Variants in CBFA2T3 observed in about 807,000 individuals in gnomAD.
The protein encoded by CBFA2T3 is transcriptional corepressor CBFA2T3.
CBFA2T3 carries 31 observed loss-of-function variants against 58.6 expected under a neutral mutation model. The ratio of observed to expected loss-of-function variants is 0.53; its 90% confidence interval spans 0.40 to 0.71. CBFA2T3 has a LOEUF of 0.71. Ranked by LOEUF, CBFA2T3 falls within the 30% of genes least tolerant of loss-of-function variation. CBFA2T3 has a pLI of 0.00. For synonymous variants in CBFA2T3, 531 were observed against 421.9 expected (o/e 1.26, Z -3.17); for missense variants, 1,076 against 963.1 (o/e 1.12, Z -1.55).
intron 1 of CBFA2T3, among the ~76,000 whole-genome samples, chr16:88,942,943 G>T (rs529293822): frequency 6.6e-6 from 1 of 152,222 alleles, no homozygotes; most frequent in Non-Finnish European, 1.5e-5. Flanking sequence ...TACAGTGCGA[G>T]TCCCCATGCG....
chr16:88,882,221 C>G (rs1383550822), intron 8 of CBFA2T3, among the ~76,000 whole-genome samples: 1 of 152,256 alleles, frequency 6.6e-6, no homozygotes, highest in Admixed American at 6.5e-5. Flanking sequence ...CCCACACAGC[C>G]CTGCTGTCTC....
intron 1 of CBFA2T3, among the ~76,000 whole-genome samples, chr16:88,934,197 G>A (rs1027344683): frequency 1.3e-5 from 2 of 151,484 alleles, no homozygotes; most frequent in South Asian, 2.1e-4. Context: ...CACGCCCCTC[G>A]GCACACGGAG....
chr16:88,901,503 C>A lies in CBFA2T3; in HGVS notation c.304+1G>T. 1 of 1,465,766 alleles carries A rather than the reference C, an allele frequency of 6.8e-7. No homozygotes were observed. The highest frequency in any genetic ancestry group is 9.0e-7 in the Non-Finnish European group (1 of 1,110,036). 90.8% of individuals were successfully genotyped at this position (1,465,766 alleles called of 1,614,324 possible). ...TCGGCTGCCAGGTGGGGGCTACTTACGTGTGTGTGGCGTGAAGGAGGGGGG... is the reference window on the plus strand; with the variant it reads ...TCGGCTGCCAGGTGGGGGCTACTTAAGTGTGTGTGGCGTGAAGGAGGGGGG... On this transcript the variant is annotated splice_donor_variant, in intron 2 of 11. Transcript: ENST00000268679. LOFTEE classifies it high-confidence loss of function.
chr16:88,898,655 A>C (rs919153952), intron 2 of CBFA2T3, among the ~76,000 whole-genome samples: 22 of 152,334 alleles, frequency 1.4e-4, no homozygotes, highest in African/African-American at 5.1e-4. Flanking sequence ...GTGTCCTAAA[A>C]GCGACCTGAG....
intron 1 of CBFA2T3, among the ~76,000 whole-genome samples, chr16:88,908,799 G>A (rs1446711693): frequency 2.0e-5 from 3 of 152,266 alleles, no homozygotes; most frequent in Admixed American, 2.0e-4. Context: ...GGCAGGTAAC[G>A]CAGGTGACCT....
chr16:88,967,133 T>G (rs1488915119), intron 1 of CBFA2T3, among the ~76,000 whole-genome samples: 1 of 88,096 alleles, frequency 1.1e-5, no homozygotes, highest in African/African-American at 4.0e-5. Context: ...GAGGTGCCAC[T>G]CGGCCCCGAC....
chr16:88,924,444 G>A (rs897886080), intron 1 of CBFA2T3, among the ~76,000 whole-genome samples: 6 of 152,296 alleles, frequency 3.9e-5, no homozygotes, highest in African/African-American at 7.2e-5. Flanking sequence ...CGAGGCTCTC[G>A]GGGGCGATGG....
intron 1 of CBFA2T3, among the ~76,000 whole-genome samples, chr16:88,967,190 C>G (rs559467960): frequency 2.7e-5 from 3 of 111,818 alleles, no homozygotes; most frequent in Admixed American, 2.6e-4. Context: ...TGCCACTCGG[C>G]CCCGACACGA....
chr16:88,913,133 G>C (rs920528630), intron 1 of CBFA2T3, among the ~76,000 whole-genome samples: 2 of 152,248 alleles, frequency 1.3e-5, no homozygotes, highest in Admixed American at 1.3e-4. Flanking sequence ...CTTTGGCTGG[G>C]GGCAGGATGT....
chr16:88,919,839 G>A (rs528818622), intron 1 of CBFA2T3, among the ~76,000 whole-genome samples: 142 of 152,260 alleles, frequency 9.3e-4, no homozygotes, highest in African/African-American at 3.1e-3. Context: ...ATCAGACCCC[G>A]CCCCACACTG....
At chr16:88,893,085 C>T (rs547750439) in intron 3 of CBFA2T3, among the ~76,000 whole-genome samples, 4 of 152,102 alleles carry the variant, frequency 2.6e-5, no homozygotes, top group Non-Finnish European at 5.9e-5. Flanking sequence ...AATGAGAAGT[C>T]GCTCATCCCC....
intron 1 of CBFA2T3, among the ~76,000 whole-genome samples, chr16:88,954,624 T>C (rs74405105): frequency 6.3e-3 from 75 of 11,880 alleles, no homozygotes; most frequent in South Asian, 0.013. Flanking sequence ...GGCTCCTGAC[T>C]CCACCCAAGG....
At chr16:88,909,708 C>T (rs1009330515) in intron 1 of CBFA2T3, among the ~76,000 whole-genome samples, 50 of 152,326 alleles carry the variant, frequency 3.3e-4, no homozygotes, top group Non-Finnish European at 5.9e-4. Context: ...CATCCGTCCA[C>T]GGCCGCCCTC....
rs147179125 is a variant in CBFA2T3 at position 88,885,321 on chromosome 16, G to A, written c.894-52C>T. 8,924 of 1,322,164 alleles carry A rather than the reference G, an allele frequency of 6.7e-3. 51 individuals carry two copies. The highest frequency in any genetic ancestry group is 0.012 in the Middle Eastern group (60 of 5,200). The allele number at this position is 1,322,164 out of a possible 1,614,324, so 81.9% of individuals were successfully genotyped here. On this transcript the variant is annotated intron_variant, in intron 6 of 11. Transcript: ENST00000268679. The surrounding 1 kb of genome is among the most constrained non-coding windows in gnomAD (Gnocchi z 5.3). ...GGCAGTGGACATAGGATGAACCGGG[G>A]ACAGAGGTGCAGGTGGGGTGAGAGG...
chr16:88,878,425 A>T (rs1968923255), intron 11 of CBFA2T3, among the ~76,000 whole-genome samples: 1 of 152,210 alleles, frequency 6.6e-6, no homozygotes, highest in Admixed American at 6.5e-5. Flanking sequence ...ATCTCAAGGG[A>T]CAGTCCTGGG....
Position 88,953,620 on chromosome 16 carries a change from G to A in CBFA2T3, c.151+23037C>T, listed in dbSNP as rs1482071417. Among the ~76,000 whole-genome samples, 3 of 152,200 alleles carry A rather than the reference G, an allele frequency of 2.0e-5. No homozygotes were observed. The highest frequency in any genetic ancestry group is 2.1e-4 in the South Asian group (1 of 4,830). ...GGGGACAGTGCCAGCAGGAGTGGCC[G>A]GGACGATGACGAGGTGAGGTGTCTG... On this transcript the variant is annotated intron_variant, in intron 1 of 11. Coordinates refer to ENST00000268679, the MANE Select transcript of CBFA2T3 (RefSeq NM_005187.6). This position sits in a 1 kb window ranked among gnomAD's most constrained non-coding sequence, Gnocchi z 4.9.
intron 1 of CBFA2T3, among the ~76,000 whole-genome samples, chr16:88,928,355 G>A (rs1016430922): frequency 2.0e-5 from 3 of 152,240 alleles, no homozygotes; most frequent in African/African-American, 7.2e-5. Context: ...GAGCGGGCCC[G>A]GTCTGTGAGG....
intron 1 of CBFA2T3, among the ~76,000 whole-genome samples, chr16:88,966,915 C>T (rs1165600302): frequency 6.6e-6 from 1 of 152,228 alleles, no homozygotes; most frequent in Admixed American, 6.5e-5. Context: ...TCTGGAAGCC[C>T]AGGATGAGAA....
At chr16:88,947,766 T>C (rs952877892) in intron 1 of CBFA2T3, among the ~76,000 whole-genome samples, 4 of 152,052 alleles carry the variant, frequency 2.6e-5, no homozygotes, top group Non-Finnish European at 5.9e-5. Context: ...ATAAAAAAGT[T>C]AGCCGGGTGT....
Sources: allele counts gnomAD v4.1 joint callset (sites outside exome capture counted in the v4.1 genomes callset), GRCh38; gene constraint gnomAD v4.1.1; non-coding constraint Gnocchi (gnomAD v3.1); transcripts MANE v1.5; gene names NCBI Gene and HGNC (gene_info 2026-07-23, HGNC 2026-07-21).